Variants in TNKS2 observed in about 807,000 individuals in gnomAD.
TNKS2 encodes the protein poly [ADP-ribose] polymerase tankyrase-2.
In TNKS2, 72 loss-of-function variants were observed where a neutral mutation model predicts 137.6. The observed-to-expected ratio is 0.52, with a 90% confidence interval of 0.43 to 0.64. The LOEUF (loss-of-function observed/expected upper bound fraction) is 0.64, where lower values mean the gene tolerates loss of function less well. Ranked by LOEUF, TNKS2 falls within the 30% of genes least tolerant of loss-of-function variation. The pLI, the probability that TNKS2 is intolerant of heterozygous loss-of-function variation, is 0.00. For synonymous variants in TNKS2, 516 were observed against 512.1 expected (o/e 1.01, Z -0.10); for missense variants, 1,049 against 1,410.2 (o/e 0.74, Z 4.10).
rs200020202 is a variant in TNKS2 at position 91,849,543 on chromosome 10, C to A, written c.2643C>A (p.Phe881Leu). ...GAGTAGATTTTAGCATAACTCAATT[C>A]GTAAGGAATCTTGGACTTGAGCACC... ...VPGVDFSITQFVRNLGLEHLM... is the reference protein window; with the variant it reads ...VPGVDFSITQLVRNLGLEHLM... The change falls in exon 20 of 27, where the codon TTC becomes TTA. Residue 881 changes from phenylalanine to leucine, a missense_variant. Phe to Leu is a conservative substitution (Grantham distance 22). Coordinates refer to ENST00000371627, the MANE Select transcript of TNKS2 (RefSeq NM_025235.4). The A allele has an allele frequency of 2.5e-6, 4 of 1,611,386 alleles. No individual in the cohort carries two copies. The South Asian group carries it at 3.3e-5, about 13-fold the overall frequency.
At chr10:91,814,861 C>A (rs1232691131) in intron 2 of TNKS2, among the ~76,000 whole-genome samples, 2 of 152,182 alleles carry the variant, frequency 1.3e-5, no homozygotes, top group Non-Finnish European at 2.9e-5. Flanking sequence ...GAGTATATCC[C>A]TGTCATTAAG....
intron 2 of TNKS2, among the ~76,000 whole-genome samples, chr10:91,815,935 C>T (rs1486324856): frequency 6.9e-6 from 1 of 145,340 alleles, no homozygotes; most frequent in Non-Finnish European, 1.5e-5. Context: ...CAGAGCAAAA[C>T]ACAAGACTTT....
At position 91,833,975 on chromosome 10, in the gene TNKS2, C is replaced by T; in HGVS notation, c.1398C>T (p.Gly466=). 1 of 1,611,530 alleles carries T rather than the reference C, an allele frequency of 6.2e-7. No individual in the cohort carries two copies. Among genetic ancestry groups the T allele is most frequent in the Non-Finnish European group, 8.5e-7 (1 of 1,179,200 alleles). Residue 466 remains glycine (G), a synonymous_variant, in exon 12 of 27, where the codon GGC becomes GGT. Transcript: ENST00000371627. ...GCDPNIISLQ[G]FTALQMGNEN... is the part of the protein sequence containing the mutation. ...ATCCTAACATTATATCCCTTCAGGG[C>T]TTTACTGCTTTACAGATGGGAAATG...
intron 21 of TNKS2, 146 bp downstream of exon 21, chr10:91,851,482 C>G (rs899579417): frequency 1.0e-5 from 10 of 958,500 alleles, no homozygotes; most frequent in Non-Finnish European, 1.3e-5. Context: ...GGGATTAAGT[C>G]TTAGCTGTGC....
At chr10:91,804,388 A>G (rs1641441250) in intron 1 of TNKS2, among the ~76,000 whole-genome samples, 1 of 152,216 alleles carries the variant, frequency 6.6e-6, no homozygotes, top group African/African-American at 2.4e-5. Context: ...TAAGTACTAT[A>G]TAGTAGATTC....
chr10:91,854,187 T>C (rs1842636182), intron 21 of TNKS2, among the ~76,000 whole-genome samples: 1 of 152,226 alleles, frequency 6.6e-6, no homozygotes. Flanking sequence ...TGCAAGTTTC[T>C]GTCATAATTC....
chr10:91,825,929 T>C (rs1210835510), intron 7 of TNKS2, among the ~76,000 whole-genome samples: 3 of 152,268 alleles, frequency 2.0e-5, no homozygotes, highest in Non-Finnish European at 4.4e-5. Flanking sequence ...CATTTTCTAA[T>C]AAAGTTAAAC....
At position 91,863,658 on chromosome 10, in the gene TNKS2, G is replaced by T. The variant is rs978059490; in HGVS notation, c.*659G>T. On this transcript the variant is annotated 3_prime_UTR_variant, in exon 27 of 27. Transcript: ENST00000371627. ...GTCATTAGAAATCTTTCTCATTTAA[G>T]AACTTATGAATATGCTGAAGATTTA... The T allele has an allele frequency of 3.3e-5, 5 of 152,074 alleles. No individual in the cohort carries two copies. Among genetic ancestry groups the T allele is most frequent in the Non-Finnish European group, 5.9e-5 (4 of 67,992 alleles). The allele number at this position is 152,074 out of a possible 1,614,324, so 9.4% of individuals were successfully genotyped here.
chr10:91,801,831 T>C (rs1844182773), intron 1 of TNKS2, among the ~76,000 whole-genome samples: 1 of 152,218 alleles, frequency 6.6e-6, no homozygotes, highest in South Asian at 2.1e-4. Flanking sequence ...GTAGGGTGGC[T>C]GTTGCTCTAA....
In TNKS2 at chr10:91,798,974, G is replaced by T. The variant is rs1418105415; in HGVS notation, c.199+85G>T. The T allele has an allele frequency of 3.2e-6, 4 of 1,265,530 alleles. No homozygotes were observed. The African/African-American group carries it at 4.7e-5, about 15-fold the overall frequency. 78.4% of individuals were successfully genotyped at this position (1,265,530 alleles called of 1,614,324 possible). The stretch of plus-strand genomic sequence containing the variant: ...ACAGGTCTGAAACCAGTGCTCCTCC[G>T]CCTCCCGACCTTTCTCCAGGACTCT... On this transcript the variant is annotated intron_variant, in intron 1 of 26. Coordinates refer to ENST00000371627, the MANE Select transcript of TNKS2 (RefSeq NM_025235.4).
intron 7 of TNKS2, 95 bp from the exon 8 acceptor site, chr10:91,826,922 C>T: frequency 8.6e-7 from 1 of 1,160,924 alleles, no homozygotes; most frequent in Non-Finnish European, 1.1e-6. Flanking sequence ...GGGAACATAA[C>T]CTGTTTTAGC....
At chr10:91,837,092 T>G (rs1246650947) in intron 13 of TNKS2, 94 bp downstream of exon 13, 6 of 1,247,050 alleles carry the variant, frequency 4.8e-6, no homozygotes, top group Non-Finnish European at 6.6e-6. Context: ...CTGGTTTATT[T>G]GTATGGGCCT....
chr10:91,837,105 C>A (rs1842048935), intron 13 of TNKS2, 107 bp downstream of exon 13: 1 of 1,049,896 alleles, frequency 9.5e-7, no homozygotes, highest in Non-Finnish European at 1.3e-6. Flanking sequence ...ATGGGCCTTG[C>A]CTTAAAAGGT....
chr10:91,800,029 TG>T (rs1404877245), intron 1 of TNKS2, among the ~76,000 whole-genome samples: 2 of 152,276 alleles, frequency 1.3e-5, no homozygotes, highest in African/African-American at 4.8e-5. Flanking sequence ...CGCTTTAACC[TG>T]TTCCAGATTT....
chr10:91,857,613 T>C, intron 24 of TNKS2, 83 bp downstream of exon 24: 1 of 736,110 alleles, frequency 1.4e-6, no homozygotes, highest in Non-Finnish European at 2.1e-6. Flanking sequence ...ATAATAAGCC[T>C]GTATATTCTT....
In TNKS2 at chr10:91,862,028, G is replaced by C; in HGVS notation, c.3311G>C (p.Gly1104Ala). 2 of 1,610,618 alleles carry C rather than the reference G, an allele frequency of 1.2e-6. No homozygotes were observed. The highest frequency in any genetic ancestry group is 1.3e-5 in the African/African-American group (1 of 74,896). Residue 1104 changes from glycine (G) to alanine (A), a missense_variant, in exon 26 of 27, where the codon GGA becomes GCA. This residue lies in a region of TNKS2 where 133 missense variants were observed against 248.4 expected (regional missense o/e 0.54). Coordinates refer to ENST00000371627, the MANE Select transcript of TNKS2 (RefSeq NM_025235.4). ...RQLLFCRVTL[G>A]KSFLQFSAMK... The stretch of plus-strand genomic sequence containing the variant: ...CTGCTCTTTTGCCGGGTAACCTTGG[G>C]AAAGTCTTTCCTGCAGTTCAGTGCA...
rs566417511 is a variant in TNKS2, at chr10:91,821,884, G to A, written c.729-412G>A. Among the ~76,000 whole-genome samples, 71 of 152,300 alleles carry A rather than the reference G, an allele frequency of 4.7e-4. No individual in the cohort carries two copies. In the South Asian group the frequency reaches 7.0e-3, roughly 15 times the overall value. The stretch of plus-strand genomic sequence containing the variant: ...GGAGCCAGATAATTGCGTGTGCCAC[G>A]TTAATAAGTTGGAACCATCTCTTGA... On this transcript the variant is annotated intron_variant, in intron 6 of 26. Transcript: ENST00000371627.
intron 26 of TNKS2, 89 bp downstream of exon 26, chr10:91,862,244 G>T: frequency 9.4e-7 from 1 of 1,061,792 alleles, no homozygotes; most frequent in Non-Finnish European, 1.3e-6. Context: ...AAGACATATT[G>T]CCTTAACTGG....
Position 91,859,503 on chromosome 10 carries a change from G to A in TNKS2, c.3136G>A (p.Glu1046Lys). The change falls in exon 25 of 27, where the codon GAA becomes AAA. Residue 1046 changes from glutamate to lysine, a missense_variant. This residue lies in a region of TNKS2 where 133 missense variants were observed against 248.4 expected (regional missense o/e 0.54). Coordinates refer to ENST00000371627, the MANE Select transcript of TNKS2 (RefSeq NM_025235.4). ...VNAIIHKGFD[E>K]RHAYIGGMFG... ...TGCAATTATCCACAAAGGCTTTGAT[G>A]AAAGGCATGCGTACATAGGTGGTAT... is the stretch of plus-strand genomic sequence containing the variant. 6.2e-7 allele frequency: 1 copy of A among 1,612,136 alleles called. No homozygotes were observed. Among genetic ancestry groups the A allele is most frequent in the Non-Finnish European group, 8.5e-7 (1 of 1,179,104 alleles).
Sources: gnomAD v4.1 joint callset for allele counts (sites outside exome capture counted in the v4.1 genomes callset) on GRCh38, gnomAD v4.1.1 for gene constraint, gnomAD v4.1.1 regional missense constraint, MANE v1.5 for transcripts, NCBI Gene and HGNC (gene_info 2026-07-23, HGNC 2026-07-21) for gene names.